Variants in LSAMP observed in about 807,000 individuals in gnomAD.
LSAMP encodes limbic system associated membrane protein.
A neutral mutation model predicts 38.6 loss-of-function variants in LSAMP; 7 were observed. The observed-to-expected ratio is 0.18, with a 90% CI of 0.10 to 0.34. The LOEUF is 0.34. Ranked by LOEUF, LSAMP falls within the 10% of genes least tolerant of loss-of-function variation. The probability of loss-of-function intolerance (pLI) is 1.00; values close to 1 mark genes in which losing one functional copy is unlikely to be tolerated. For missense variants in LSAMP, 313 were observed against 420.0 expected (o/e 0.75, Z 2.23); for synonymous variants, 154 against 166.8 (o/e 0.92, Z 0.59).
chr3:115,931,480 C>G lies in LSAMP; in HGVS notation c.515-78863G>C, dbSNP rs555050571. The stretch of plus-strand genomic sequence containing the variant: ...GTGTCAGGGGGTTGGATCAAAGTGG[C>G]TCTTATTCTCTGAGGCACAGGGTCA... On this transcript the variant is annotated intron_variant, in intron 3 of 6. Coordinates refer to ENST00000490035, the MANE Select transcript of LSAMP (RefSeq NM_002338.5). Among the ~76,000 whole-genome samples, 4 of 152,238 alleles carry G rather than the reference C, an allele frequency of 2.6e-5. No homozygotes were observed. In the South Asian group the frequency reaches 8.3e-4, roughly 32 times the overall value.
chr3:116,399,251 G>A (rs1011422795), intron 1 of LSAMP, among the ~76,000 whole-genome samples: 10 of 152,232 alleles, frequency 6.6e-5, no homozygotes, highest in Admixed American at 2.0e-4. Flanking sequence ...AAGAAAAGCC[G>A]TGATATGATT....
chr3:116,333,451 T>A lies in LSAMP; in HGVS notation c.155+111426A>T, dbSNP rs534075506. Among the ~76,000 whole-genome samples the A allele has an allele frequency of 4.6e-5, 7 of 151,158 alleles. No homozygotes were observed. The South Asian group carries it at 1.5e-3, about 32-fold the overall frequency. ...CTACTCAGGATGCTGAGGCAGAGAA[T>A]TGAACCCAGGAGGCGGAGGTTGCAG... On this transcript the variant is annotated intron_variant, in intron 1 of 6. Transcript: ENST00000490035.
intron 1 of LSAMP, among the ~76,000 whole-genome samples, chr3:116,351,868 A>G (rs937790759): frequency 3.9e-5 from 6 of 152,060 alleles, no homozygotes; most frequent in Non-Finnish European, 5.9e-5. Flanking sequence ...AGTATATCTC[A>G]TTGCTTCTCA....
At chr3:116,125,270 G>A (rs953046744) in intron 1 of LSAMP, among the ~76,000 whole-genome samples, 4 of 152,018 alleles carry the variant, frequency 2.6e-5, no homozygotes, top group South Asian at 2.1e-4. Context: ...TTTTTTCCCA[G>A]ACAAAATCAA....
intron 1 of LSAMP, among the ~76,000 whole-genome samples, chr3:116,329,334 A>C (rs1398423233): frequency 2.0e-5 from 3 of 152,166 alleles, no homozygotes; most frequent in African/African-American, 7.2e-5. Context: ...GTGTCTTTTA[A>C]AATTCAAGTA....
intron 1 of LSAMP, among the ~76,000 whole-genome samples, chr3:116,262,962 G>T (rs931272628): frequency 6.6e-6 from 1 of 152,076 alleles, no homozygotes; most frequent in Non-Finnish European, 1.5e-5. Flanking sequence ...GTGAGAAGAA[G>T]GTTAAAAAAT....
chr3:116,107,392 T>A (rs1044295815), intron 1 of LSAMP, among the ~76,000 whole-genome samples: 1 of 152,128 alleles, frequency 6.6e-6, no homozygotes, highest in African/African-American at 2.4e-5. Flanking sequence ...ATTAAAGCAG[T>A]GGCAGCCGCT....
At chr3:115,938,913 C>G (rs534917823) in intron 3 of LSAMP, among the ~76,000 whole-genome samples, 2 of 152,136 alleles carry the variant, frequency 1.3e-5, no homozygotes, top group East Asian at 1.9e-4. Flanking sequence ...TTGTTGAATC[C>G]CTAGCACCAG....
In LSAMP at chr3:116,091,484, A is replaced by G. The variant is rs190447825; in HGVS notation, c.156-4928T>C. ...TTGGGGAAGTGAGAAGTGTCCATGA[A>G]CTCTTCGCAATTTATGTTTAGAGAT... On this transcript the variant is annotated intron_variant, in intron 1 of 6. Transcript: ENST00000490035. 2.3e-3 allele frequency among the ~76,000 whole-genome samples: 345 copies of G among 152,278 alleles called. 1 individual carries two copies. The highest frequency in any genetic ancestry group is 5.2e-3 in the South Asian group (25 of 4,822).
At chr3:116,375,877 A>T (rs1285383664) in intron 1 of LSAMP, among the ~76,000 whole-genome samples, 3 of 152,010 alleles carry the variant, frequency 2.0e-5, no homozygotes, top group African/African-American at 7.2e-5. Flanking sequence ...TTTTGTATAA[A>T]AACACTTCAA....
intron 1 of LSAMP, among the ~76,000 whole-genome samples, chr3:116,400,248 A>G (rs1168959740): frequency 6.6e-6 from 1 of 152,086 alleles, no homozygotes; most frequent in Non-Finnish European, 1.5e-5. Flanking sequence ...ATGGGCAAAC[A>G]TATCAACATT....
rs1235516867 is a variant in LSAMP at position 116,276,520 on chromosome 3, G to T, written c.155+168357C>A. 3.3e-5 allele frequency among the ~76,000 whole-genome samples: 5 copies of T among 151,990 alleles called. No homozygotes were observed. The East Asian group carries it at 9.7e-4, about 29-fold the overall frequency. On this transcript the variant is annotated intron_variant, in intron 1 of 6. Transcript: ENST00000490035. The stretch of plus-strand genomic sequence containing the variant: ...ATGATACAATGGACTTTGGGGACTT[G>T]CAGGGAAGGGTGGGAGGGAGGCGAG...
At chr3:116,005,717 A>T (rs1319776571) in intron 3 of LSAMP, among the ~76,000 whole-genome samples, 3 of 152,314 alleles carry the variant, frequency 2.0e-5, no homozygotes, top group East Asian at 1.9e-4. Flanking sequence ...CTGCTCACAC[A>T]TGCGTAAAAC....
intron 1 of LSAMP, among the ~76,000 whole-genome samples, chr3:116,166,373 A>T (rs1393805837): frequency 1.3e-5 from 2 of 152,206 alleles, no homozygotes; most frequent in East Asian, 3.9e-4. Context: ...AGGCACAGAG[A>T]TCTTCAGTGA....
chr3:115,873,927 C>T (rs1936114134), intron 3 of LSAMP, among the ~76,000 whole-genome samples: 3 of 152,122 alleles, frequency 2.0e-5, no homozygotes, highest in African/African-American at 7.2e-5. Flanking sequence ...ACGTAGGAAT[C>T]AGTCTATGAT....
chr3:115,901,405 C>G (rs939414438), intron 3 of LSAMP, among the ~76,000 whole-genome samples: 1 of 152,070 alleles, frequency 6.6e-6, no homozygotes, highest in Non-Finnish European at 1.5e-5. Flanking sequence ...GTAGATGCTT[C>G]CCGAAATAGT....
chr3:115,845,729 G>A (rs1935138346), intron 4 of LSAMP, among the ~76,000 whole-genome samples: 1 of 152,156 alleles, frequency 6.6e-6, no homozygotes, highest in South Asian at 2.1e-4. Context: ...CTAAAAATGG[G>A]AACATTTAGG....
chr3:116,433,216 C>T (rs182896331), intron 1 of LSAMP, among the ~76,000 whole-genome samples: 363 of 152,236 alleles, frequency 2.4e-3, no homozygotes, highest in Non-Finnish European at 3.9e-3. Context: ...TAGTGTTAGG[C>T]TGCATCACTT....
chr3:116,434,988 T>C (rs1201402677), intron 1 of LSAMP, among the ~76,000 whole-genome samples: 1 of 152,194 alleles, frequency 6.6e-6, no homozygotes, highest in Non-Finnish European at 1.5e-5. Flanking sequence ...AAGTTCTAAG[T>C]AGACTGAAGA....
Sources: gnomAD v4.1 joint callset for allele counts (sites outside exome capture counted in the v4.1 genomes callset) on GRCh38, gnomAD v4.1.1 for gene constraint, MANE v1.5 for transcripts, NCBI Gene and HGNC (gene_info 2026-07-23, HGNC 2026-07-21) for gene names.